The following CAB39 variants were observed in gnomAD, a reference collection of about 807,000 sequenced individuals.
CAB39 encodes the protein calcium binding protein 39, also known as calcium-binding protein 39.
Under a neutral mutation model 40.0 loss-of-function variants are expected in CAB39, and 8 were observed. The observed-to-expected ratio is 0.20, with a 90% CI of 0.12 to 0.36. CAB39 has a LOEUF of 0.36. Among genes scored for constraint, CAB39 ranks in the 10% least tolerant of loss-of-function variants. CAB39 has a pLI of 1.00. For missense variants in CAB39, 270 were observed against 401.1 expected, an observed-to-expected ratio of 0.67 and a Z score of 2.79; for synonymous variants, 156 against 141.6, an observed-to-expected ratio of 1.10 and a Z score of -0.72.
chr2:230,776,248 T>C (rs1463433683), intron 2 of CAB39, among the ~76,000 whole-genome samples: 2 of 152,212 alleles, frequency 1.3e-5, no homozygotes, highest in Non-Finnish European at 2.9e-5. Context: ...AGTCTTATGT[T>C]GCCTTACTTT....
chr2:230,798,418 A>G (rs1696028497), intron 4 of CAB39, among the ~76,000 whole-genome samples: 1 of 152,196 alleles, frequency 6.6e-6, no homozygotes, highest in African/African-American at 2.4e-5. Flanking sequence ...ATGGAGTGGT[A>G]TGACCCGAAA....
intron 2 of CAB39, among the ~76,000 whole-genome samples, chr2:230,766,254 G>T (rs1206867375): frequency 6.6e-6 from 1 of 152,170 alleles, no homozygotes; most frequent in African/African-American, 2.4e-5. Flanking sequence ...AATGCATAAA[G>T]AAGTGGTTTA....
intron 1 of CAB39, among the ~76,000 whole-genome samples, chr2:230,715,449 G>A (rs1478977390): frequency 6.6e-6 from 1 of 152,156 alleles, no homozygotes; most frequent in Non-Finnish European, 1.5e-5. Flanking sequence ...TCTGCTATAG[G>A]AGTGAATGGA....
chr2:230,788,013 A>G (rs534698557), intron 2 of CAB39, among the ~76,000 whole-genome samples: 2 of 152,346 alleles, frequency 1.3e-5, no homozygotes, highest in East Asian at 3.9e-4. Flanking sequence ...ATGTGATTTG[A>G]TAGGAAGCTT....
intron 4 of CAB39, among the ~76,000 whole-genome samples, chr2:230,797,968 G>T (rs890295526): frequency 6.6e-6 from 1 of 152,118 alleles, no homozygotes; most frequent in Non-Finnish European, 1.5e-5. Flanking sequence ...AGAAGAGAGC[G>T]ATGTGTTTGA....
chr2:230,730,044 A>G (rs1481707876), intron 1 of CAB39, among the ~76,000 whole-genome samples: 3 of 152,240 alleles, frequency 2.0e-5, no homozygotes, highest in Non-Finnish European at 2.9e-5. Flanking sequence ...ACAGTAAAAG[A>G]TACATATGAG....
intron 2 of CAB39, among the ~76,000 whole-genome samples, chr2:230,786,468 T>C (rs1023115173): frequency 6.6e-6 from 1 of 152,222 alleles, no homozygotes; most frequent in Non-Finnish European, 1.5e-5. Flanking sequence ...TTCACAAATA[T>C]GTGTAACCAT....
chr2:230,766,474 C>T (rs7595732), intron 2 of CAB39, among the ~76,000 whole-genome samples: 13 of 152,266 alleles, frequency 8.5e-5, no homozygotes, highest in African/African-American at 2.9e-4. Context: ...AGCACCAAGC[C>T]ATTCATGAGG....
At chr2:230,737,383 C>T (rs1443914770) in intron 1 of CAB39, among the ~76,000 whole-genome samples, 2 of 152,164 alleles carry the variant, frequency 1.3e-5, no homozygotes, top group African/African-American at 4.8e-5. Context: ...CTCCCCGCTA[C>T]CCTCTCAGGA....
intron 2 of CAB39, among the ~76,000 whole-genome samples, chr2:230,761,890 TG>T (rs1695298986): frequency 2.4e-5 from 3 of 124,194 alleles, no homozygotes; most frequent in African/African-American, 1.0e-4. Context: ...GTTTTTTATT[TG>T]TTGTTGTTGT....
chr2:230,744,494 G>A (rs568271065), intron 1 of CAB39, among the ~76,000 whole-genome samples: 33 of 150,320 alleles, frequency 2.2e-4, no homozygotes, highest in Non-Finnish European at 4.1e-4. Context: ...GGGTTTCACC[G>A]TGTTGGCCAG....
intron 2 of CAB39, among the ~76,000 whole-genome samples, chr2:230,770,986 C>T (rs1695473231): frequency 6.6e-6 from 1 of 152,170 alleles, no homozygotes; most frequent in Non-Finnish European, 1.5e-5. Context: ...AAGAAGACGA[C>T]AGGGATATCT....
In CAB39 at chr2:230,804,270, A is replaced by C. The variant is rs568206281; in HGVS notation, c.567+5373A>C. On this transcript the variant is annotated intron_variant, in intron 5 of 8. Coordinates refer to ENST00000258418, the MANE Select transcript of CAB39 (RefSeq NM_016289.4). ...TAATTCAAGATGGATTAAAGACTTA[A>C]ATGTTAGACCTAAAACCATAAAAAC... 1.2e-4 allele frequency among the ~76,000 whole-genome samples: 18 copies of C among 152,360 alleles called. No individual in the cohort carries two copies. In the East Asian group the frequency reaches 2.7e-3, roughly 23 times the overall value.
chr2:230,782,813 C>CTTTCTTTCTTTTTTTTTTTTTTTTTTT (rs1286339069), intron 2 of CAB39, among the ~76,000 whole-genome samples: 1 of 81,766 alleles, frequency 1.2e-5, no homozygotes, highest in African/African-American at 6.3e-5. Flanking sequence ...TTCTTTCTTT[C>CTTTCTTTCTTTTTTTTTTTTTTTTTTT]TTTTTTTTTT....
intron 1 of CAB39, among the ~76,000 whole-genome samples, chr2:230,740,547 GGACT>G (rs1386129266): frequency 6.6e-6 from 1 of 152,158 alleles, no homozygotes; most frequent in Non-Finnish European, 1.5e-5. Context: ...GTTTTTCCAC[GGACT>G]AGGGCTGGTG....
chr2:230,738,470 TTCA>T (rs1272557374), intron 1 of CAB39, among the ~76,000 whole-genome samples: 3 of 152,238 alleles, frequency 2.0e-5, no homozygotes, highest in Non-Finnish European at 4.4e-5. Context: ...GGATCAAGGC[TTCA>T]TATGCCAGTT....
intron 6 of CAB39, 50 bp from the exon 7 acceptor site, chr2:230,813,999 T>C: frequency 2.2e-6 from 1 of 455,120 alleles, no homozygotes; most frequent in Non-Finnish European, 3.9e-6. Flanking sequence ...TTTTTTTTTT[T>C]TTTTTTTTTT....
intron 8 of CAB39, 59 bp downstream of exon 8, chr2:230,817,956 C>A: frequency 1.4e-6 from 2 of 1,446,484 alleles, no homozygotes; most frequent in Non-Finnish European, 1.9e-6. Context: ...GTCTTTCATT[C>A]GCAAATAACG....
At chr2:230,744,339 G>A (rs1368725983) in intron 1 of CAB39, among the ~76,000 whole-genome samples, 1 of 152,092 alleles carries the variant, frequency 6.6e-6, no homozygotes, top group African/African-American at 2.4e-5. Flanking sequence ...TGTTGCCCAG[G>A]CTGGAGTGCA....
Sources: allele counts gnomAD v4.1 joint callset (sites outside exome capture counted in the v4.1 genomes callset), GRCh38; gene constraint gnomAD v4.1.1; transcripts MANE v1.5; gene names NCBI Gene and HGNC (gene_info 2026-07-23, HGNC 2026-07-21).